The following C7orf57 variants were observed in gnomAD, a reference collection of about 807,000 sequenced individuals.
C7orf57 encodes the protein chromosome 7 open reading frame 57.
C7orf57 carries 33 observed loss-of-function variants against 39.0 expected under a neutral mutation model. That is an observed-to-expected ratio of 0.85 (90% CI 0.64 to 1.13). The LOEUF is 1.13. Ranked by LOEUF, C7orf57 falls within the 50% of genes most tolerant of loss-of-function variation. The pLI, the probability that C7orf57 is intolerant of heterozygous loss-of-function variation, is 0.00. For synonymous variants in C7orf57, 124 were observed against 137.1 expected, an observed-to-expected ratio of 0.90 and a Z score of 0.67; for missense variants, 346 against 362.3, an observed-to-expected ratio of 0.95 and a Z score of 0.37.
At chr7:48,050,117 T>G in intron 6 of C7orf57, 140 bp downstream of exon 6, 3 of 649,556 alleles carry the variant, frequency 4.6e-6, no homozygotes, top group Non-Finnish European at 8.4e-6. Context: ...TGGCTGTGCC[T>G]GTCGCCTCCT....
intron 6 of C7orf57, among the ~76,000 whole-genome samples, chr7:48,051,869 TTCTCTTTC>T (rs1230483467): frequency 8.5e-5 from 6 of 70,772 alleles, no homozygotes; most frequent in South Asian, 4.8e-4. Context: ...CTTTCTTTCT[TTCTCTTTC>T]TCTTTCTTTC....
chr7:48,058,433 G>A (rs1791191862), intron 8 of C7orf57, among the ~76,000 whole-genome samples: 1 of 152,040 alleles, frequency 6.6e-6, no homozygotes, highest in Non-Finnish European at 1.5e-5. Flanking sequence ...AGCTTTGGTG[G>A]ATTGTATGAT....
At chr7:48,037,752 T>TGTGTGTGTGTGTGG (rs1292832994) in intron 2 of C7orf57, among the ~76,000 whole-genome samples, 2 of 150,878 alleles carry the variant, frequency 1.3e-5, no homozygotes, top group Non-Finnish European at 3.0e-5. Flanking sequence ...TAACCCTCTG[T>TGTGTGTGTGTGTGG]GTGTGTGTGT....
At chr7:48,051,091 A>T (rs1790860074) in intron 6 of C7orf57, among the ~76,000 whole-genome samples, 1 of 150,278 alleles carries the variant, frequency 6.7e-6, no homozygotes, top group Non-Finnish European at 1.5e-5. Context: ...CTAAGCTAAC[A>T]TCAAGAAATG....
chr7:48,052,995 C>A, intron 7 of C7orf57, 72 bp downstream of exon 7: 2 of 1,222,530 alleles, frequency 1.6e-6, no homozygotes, highest in Non-Finnish European at 2.4e-6. Flanking sequence ...ACGTTCTTAT[C>A]ACATGATGCG....
At chr7:48,041,064 G>T (rs1302422581) in intron 2 of C7orf57, among the ~76,000 whole-genome samples, 1 of 152,172 alleles carries the variant, frequency 6.6e-6, no homozygotes, top group Admixed American at 6.5e-5. Context: ...GGAAGCGAAA[G>T]CACCCATGAA....
At chr7:48,045,410 GCCACACT>G (rs1790684829) in intron 4 of C7orf57, among the ~76,000 whole-genome samples, 1 of 152,086 alleles carries the variant, frequency 6.6e-6, no homozygotes, top group South Asian at 2.1e-4. Context: ...GAGCAGCTCA[GCCACACT>G]CATGGCTTCT....
intron 8 of C7orf57, among the ~76,000 whole-genome samples, chr7:48,058,490 A>G (rs1791193562): frequency 6.6e-6 from 1 of 152,130 alleles, no homozygotes; most frequent in South Asian, 2.1e-4. Flanking sequence ...TCGTTGGTGT[A>G]TAATCCTTCA....
At chr7:48,050,747 T>C (rs2128795484) in intron 6 of C7orf57, among the ~76,000 whole-genome samples, 1 of 152,224 alleles carries the variant, frequency 6.6e-6, no homozygotes, top group South Asian at 2.1e-4. Flanking sequence ...GATAACAAAG[T>C]GATTGAACCC....
chr7:48,057,253 C>T lies in C7orf57; in HGVS notation c.841+2647C>T, dbSNP rs1791142611. 2.0e-5 allele frequency among the ~76,000 whole-genome samples: 3 copies of T among 151,970 alleles called. No individual in the cohort carries two copies. The South Asian group carries it at 6.2e-4, about 32-fold the overall frequency. On this transcript the variant is annotated intron_variant, in intron 8 of 8. Coordinates refer to ENST00000348904, the MANE Select transcript of C7orf57 (RefSeq NM_001100159.3). ...TTTGACAATATTAATTATTCTGATC[C>T]ATGTATGTAGGCTATGTTTCCATTT...
chr7:48,057,379 C>T (rs1160042675), intron 8 of C7orf57, among the ~76,000 whole-genome samples: 4 of 151,896 alleles, frequency 2.6e-5, no homozygotes, highest in Non-Finnish European at 2.9e-5. Context: ...TTTTTTAATG[C>T]TGTTGAGAGT....
intron 6 of C7orf57, among the ~76,000 whole-genome samples, chr7:48,051,812 CTCTTCTCTTTCTTTCTTTCTT>C (rs1790921513): frequency 2.4e-5 from 1 of 42,410 alleles, no homozygotes. Flanking sequence ...CCTTCCTTTT[CTCTTCTCTTTCTTTCTTTCTT>C]TCTTTCTTTC....
At chr7:48,049,493 CCATT>C (rs1353348651) in intron 5 of C7orf57, among the ~76,000 whole-genome samples, 1 of 152,048 alleles carries the variant, frequency 6.6e-6, no homozygotes, top group Admixed American at 6.6e-5. Context: ...ATTTGTTTAT[CCATT>C]CGTTTGTTGG....
intron 8 of C7orf57, 39 bp downstream of exon 8, chr7:48,054,645 A>C: frequency 6.5e-7 from 1 of 1,528,972 alleles, no homozygotes. Flanking sequence ...AAACACAAAA[A>C]GTCTTACACA....
In C7orf57 at chr7:48,035,722, G is replaced by C. The variant is rs1790332042; in HGVS notation, c.-102+92G>C. The C allele has an allele frequency of 3.4e-6, 2 of 588,490 alleles. No individual in the cohort carries two copies. Among genetic ancestry groups the C allele is most frequent in the Non-Finnish European group, 6.0e-6 (2 of 330,978 alleles). 36.5% of individuals were successfully genotyped at this position (588,490 alleles called of 1,614,324 possible). On this transcript the variant is annotated intron_variant, in intron 1 of 8. Coordinates refer to ENST00000348904, the MANE Select transcript of C7orf57 (RefSeq NM_001100159.3). The surrounding 1 kb of genome is among the most constrained non-coding windows in gnomAD (Gnocchi z 4.0). ...GGAGCTCGCAGTGCGGGCAGTGCGCGCCGGGGCTGGAGGGAGGGGACCACC... is the reference window on the plus strand; with the variant it reads ...GGAGCTCGCAGTGCGGGCAGTGCGCCCCGGGGCTGGAGGGAGGGGACCACC...
intron 8 of C7orf57, among the ~76,000 whole-genome samples, chr7:48,059,143 A>T (rs945693104): frequency 3.3e-5 from 5 of 151,982 alleles, no homozygotes; most frequent in Admixed American, 1.3e-4. Context: ...GCTTTTGACA[A>T]CCACACTCTC....
At chr7:48,047,372 A>G (rs1442675601) in intron 5 of C7orf57, among the ~76,000 whole-genome samples, 2 of 152,246 alleles carry the variant, frequency 1.3e-5, no homozygotes, top group Non-Finnish European at 2.9e-5. Flanking sequence ...TGATACTGAG[A>G]ATAAGAGTGA....
At chr7:48,051,348 T>TTTA (rs1790872070) in intron 6 of C7orf57, among the ~76,000 whole-genome samples, 1 of 9,132 alleles carries the variant, frequency 1.1e-4, no homozygotes, top group South Asian at 2.5e-3. Flanking sequence ...AGCTGGCTAA[T>TTTA]TTTTTTTTTT....
At chr7:48,044,698 A>C (rs1443065009) in intron 4 of C7orf57, among the ~76,000 whole-genome samples, 2 of 152,210 alleles carry the variant, frequency 1.3e-5, no homozygotes, top group African/African-American at 2.4e-5. Context: ...ATTAAAGACA[A>C]AAGGCACTAG....
Sources: gnomAD v4.1 joint callset for allele counts (sites outside exome capture counted in the v4.1 genomes callset) on GRCh38, gnomAD v4.1.1 for gene constraint, Gnocchi (gnomAD v3.1) non-coding constraint, MANE v1.5 for transcripts, NCBI Gene and HGNC (gene_info 2026-07-23, HGNC 2026-07-21) for gene names.